The following C1QTNF6 variants were observed in gnomAD, a reference collection of about 807,000 sequenced individuals.
C1QTNF6 encodes C1q and TNF related 6.
In C1QTNF6, 17 loss-of-function variants were observed where a neutral mutation model predicts 20.7. That is an observed-to-expected ratio of 0.82 (90% CI 0.56 to 1.23). The LOEUF (loss-of-function observed/expected upper bound fraction) is 1.23, where lower values mean the gene tolerates loss of function less well. C1QTNF6 is among the 50% of genes most tolerant of loss of function. C1QTNF6 has a pLI of 0.00. For synonymous variants in C1QTNF6, 130 were observed against 156.3 expected (o/e 0.83, Z 1.25); for missense variants, 329 against 389.7 (o/e 0.84, Z 1.31).
chr22:37,198,115 G>A (rs982641125), upstream of C1QTNF6: 1 of 152,328 alleles, frequency 6.6e-6, no homozygotes, highest in African/African-American at 2.4e-5. Context: ...GGCCCAGGGT[G>A]GCTCTCATCA....
chr22:37,190,286 G>A (rs1177515967), upstream of C1QTNF6, among the ~76,000 whole-genome samples: 2 of 152,166 alleles, frequency 1.3e-5, no homozygotes, highest in Admixed American at 1.3e-4. Context: ...TTTGCATAAA[G>A]TGCAGCAAGT....
chr22:37,183,128 G>A (rs1341019300), intron 2 of C1QTNF6, among the ~76,000 whole-genome samples: 1 of 152,354 alleles, frequency 6.6e-6, no homozygotes, highest in East Asian at 1.9e-4. Context: ...GATGTGGGGT[G>A]TGCTGGAACA....
At position 37,195,654 on chromosome 22, in the gene C1QTNF6, A is replaced by C. The variant is rs775741759; in HGVS notation, n.147-196T>G. The C allele has an allele frequency of 7.9e-5, 12 of 152,190 alleles. No individual in the cohort carries two copies. The South Asian group carries it at 8.3e-4, about 10-fold the overall frequency. The allele number at this position is 152,190 out of a possible 1,614,324, so 9.4% of individuals were successfully genotyped here. On this transcript the variant is annotated intron_variant and non_coding_transcript_variant, in intron 1 of 4. Coordinates refer to the C1QTNF6 transcript ENST00000467564. ...CTGCTGGTTGGCTGTTTTTATGGTT[A>C]TTTCTTGATTATATGCTAAACAAAG...
chr22:37,191,738 C>T (rs1314666301), upstream of C1QTNF6: 1 of 152,042 alleles, frequency 6.6e-6, no homozygotes, highest in South Asian at 2.1e-4. Flanking sequence ...TTTTCTATAG[C>T]TTATTCAAAA....
intron 1 of C1QTNF6, chr22:37,186,137 T>C (rs372899651): frequency 7.5e-5 from 74 of 985,478 alleles, no homozygotes; most frequent in African/African-American, 5.4e-4. Context: ...GGTGATGGTG[T>C]CATTGCATCG....
chr22:37,188,311 GAGAGGGC>G, upstream of C1QTNF6: 1 of 1,123,598 alleles, frequency 8.9e-7, no homozygotes, highest in Non-Finnish European at 1.2e-6. Flanking sequence ...GATGGAGGGA[GAGAGGGC>G]GGAGGGAGGG....
chr22:37,198,071 G>A (rs959992185), upstream of C1QTNF6: 3 of 152,272 alleles, frequency 2.0e-5, no homozygotes, highest in African/African-American at 7.2e-5. Context: ...GGCACCCTGG[G>A]ACCCAGGACA....
rs1158491262 is a variant in C1QTNF6 at position 37,185,541 on chromosome 22, T to G, written c.52-86A>C. The G allele has an allele frequency of 2.1e-6, 3 of 1,440,108 alleles. No homozygotes were observed. The East Asian group carries it at 7.6e-5, about 37-fold the overall frequency. The allele number at this position is 1,440,108 out of a possible 1,614,324, so 89.2% of individuals were successfully genotyped here. The stretch of plus-strand genomic sequence containing the variant: ...CCTGGGGTGGGCGGGTGCTGCGTCC[T>G]CCAGCCACAGCACTCCTGACCTAAC... On this transcript the variant is annotated intron_variant, in intron 1 of 2. Coordinates refer to ENST00000337843, the MANE Select transcript of C1QTNF6 (RefSeq NM_031910.4).
chr22:37,188,075 C>T (rs536582265), intron 1 of C1QTNF6, 88 bp downstream of exon 1: 153 of 1,406,950 alleles, frequency 1.1e-4, no homozygotes, highest in Admixed American at 1.6e-4. Flanking sequence ...GAGCAGGGCC[C>T]GAGATGCTTC....
upstream of C1QTNF6, among the ~76,000 whole-genome samples, chr22:37,189,953 C>A (rs995658846): frequency 1.3e-5 from 2 of 152,194 alleles, no homozygotes; most frequent in African/African-American, 4.8e-5. Context: ...GCTAGATGAG[C>A]TGATACGGAG....
chr22:37,182,897 T>C, intron 2 of C1QTNF6, 162 bp from the exon 3 acceptor site: 1 of 1,435,412 alleles, frequency 7.0e-7, no homozygotes, highest in Non-Finnish European at 9.1e-7. Flanking sequence ...CCCACATGCC[T>C]GCCTAAAGAA....
Position 37,185,211 on chromosome 22 carries a change from C to T in C1QTNF6, c.289+7G>A, listed in dbSNP as rs1223352270. On this transcript the variant is annotated splice_region_variant and intron_variant, in intron 2 of 2. Transcript: ENST00000337843. ...CCCACTACCAGGCCCCACAGGAGGG[C>T]ACTCACCCTTCAGGATGGTGATATT... 1 of 1,546,908 alleles carries T rather than the reference C, an allele frequency of 6.5e-7. No individual in the cohort carries two copies. The highest frequency in any genetic ancestry group is 2.3e-5 in the East Asian group (1 of 43,578).
rs775469822 is a variant in C1QTNF6, at chr22:37,182,556, C to T, written c.469G>A (p.Gly157Ser). 26 of 1,614,098 alleles carry T rather than the reference C, an allele frequency of 1.6e-5. No individual in the cohort carries two copies. Among genetic ancestry groups the T allele is most frequent in the African/African-American group, 4.0e-5 (3 of 74,958 alleles). Reference protein sequence around the residue: ...SVGRKTALHSGEDFQTLLFER... With the variant: ...SVGRKTALHSSEDFQTLLFER... ...AAGAGCAGCGTCTGGAAGTCCTCGCCGCTGTGCAGGGCCGTCTTGCGGCCC... is the reference window on the plus strand; with the variant it reads ...AAGAGCAGCGTCTGGAAGTCCTCGCTGCTGTGCAGGGCCGTCTTGCGGCCC... The change falls in exon 3 of 3, where the codon GGC becomes AGC. Residue 157 changes from glycine (G) to serine (S), a missense_variant. Physicochemically the swap from Gly to Ser is moderately conservative, Grantham distance 56. Coordinates refer to ENST00000337843, the MANE Select transcript of C1QTNF6 (RefSeq NM_031910.4).
At chr22:37,190,130 G>A (rs1319025763), upstream of C1QTNF6, among the ~76,000 whole-genome samples, 1 of 152,218 alleles carries the variant, frequency 6.6e-6, no homozygotes, top group Non-Finnish European at 1.5e-5. Flanking sequence ...AACAATGGAT[G>A]AGACTAGAAT....
Position 37,182,539 on chromosome 22 carries a change from C to CT in C1QTNF6, c.485_486insA (p.Leu163AlafsTer11). The CT allele has an allele frequency of 6.2e-7, 1 of 1,614,118 alleles. No homozygotes were observed. Among genetic ancestry groups the CT allele is most frequent in the Non-Finnish European group, 8.5e-7 (1 of 1,180,026 alleles). On this transcript the variant is annotated frameshift_variant, in exon 3 of 3. Transcript: ENST00000337843. LOFTEE classifies it high-confidence loss of function. Reference sequence around the variant, plus strand: ...TCACAAAGACCCTTTCGAAGAGCAGCGTCTGGAAGTCCTCGCCGCTGTGCA... The same window carrying CT: ...TCACAAAGACCCTTTCGAAGAGCAGCTGTCTGGAAGTCCTCGCCGCTGTGCA...
chr22:37,185,407 G>A lies in C1QTNF6; in HGVS notation c.100C>T (p.Leu34Phe). Residue 34 changes from leucine to phenylalanine, a missense_variant, in exon 2 of 3, where the codon CTC (leucine) becomes TTC (phenylalanine). By Grantham distance (22) the Leu-to-Phe change is conservative. Transcript: ENST00000337843. ...GGGATCTCACACATCAGGAGAAAGAGCAGGAGCGCTGCCCAGACGGGACCC... is the reference window on the plus strand; with the variant it reads ...GGGATCTCACACATCAGGAGAAAGAACAGGAGCGCTGCCCAGACGGGACCC... The part of the protein sequence containing the change: ...ALGPVWAALL[L>F]FLLMCEIPMV... The A allele has an allele frequency of 1.2e-6, 2 of 1,612,740 alleles. No individual in the cohort carries two copies. Among genetic ancestry groups the A allele is most frequent in the Non-Finnish European group, 1.7e-6 (2 of 1,179,432 alleles).
At chr22:37,191,792 A>G (rs916345518), upstream of C1QTNF6, 4 of 152,168 alleles carry the variant, frequency 2.6e-5, no homozygotes, top group African/African-American at 7.2e-5. Context: ...TACATGAAAA[A>G]CTTGTTCAAG....
chr22:37,185,672 C>A, intron 1 of C1QTNF6: 1 of 1,256,218 alleles, frequency 8.0e-7, no homozygotes, highest in Non-Finnish European at 1.0e-6. Flanking sequence ...GCAGGGCCTG[C>A]ATGCTGAGTC....
At chr22:37,187,112 G>A (rs1259532129) in intron 1 of C1QTNF6, among the ~76,000 whole-genome samples, 1 of 152,108 alleles carries the variant, frequency 6.6e-6, no homozygotes, top group Non-Finnish European at 1.5e-5. Flanking sequence ...CCCACCCCCA[G>A]AGCTGGATGG....
Sources: gnomAD v4.1 joint callset for allele counts (sites outside exome capture counted in the v4.1 genomes callset) on GRCh38, gnomAD v4.1.1 for gene constraint, MANE v1.5 for transcripts, NCBI Gene and HGNC (gene_info 2026-07-23, HGNC 2026-07-21) for gene names.